CDHR3: variants seen among roughly 807,000 people sequenced by gnomAD.
CDHR3 encodes the protein cadherin-related family member 3.
In CDHR3, 79 loss-of-function variants were observed where a neutral mutation model predicts 86.6. The ratio of observed to expected loss-of-function variants is 0.91; its 90% CI spans 0.76 to 1.10. CDHR3 has a LOEUF of 1.10. Ranked by LOEUF, CDHR3 falls within the 50% of genes least tolerant of loss-of-function variation. The pLI is 0.00. For missense variants in CDHR3, 1,081 were observed against 1,077.6 expected (o/e 1.00, Z -0.04); for synonymous variants, 421 against 402.4 (o/e 1.05, Z -0.55).
At chr7:105,979,333 AG>A (rs2115665379) in intron 2 of CDHR3, among the ~76,000 whole-genome samples, 1 of 152,196 alleles carries the variant, frequency 6.6e-6, no homozygotes, top group East Asian at 1.9e-4. Context: ...CGTGGCTCCT[AG>A]GTTGCCTCTG....
intron 13 of CDHR3, 121 bp downstream of exon 13, chr7:106,020,665 AT>A (rs1836431886): frequency 8.8e-6 from 10 of 1,134,276 alleles, no homozygotes; most frequent in Admixed American, 2.6e-5. Flanking sequence ...GGAGGGCATT[AT>A]TTTTTTGAGA....
intron 1 of CDHR3, among the ~76,000 whole-genome samples, chr7:105,969,268 G>A (rs1827514392): frequency 2.7e-5 from 4 of 150,164 alleles, no homozygotes; most frequent in Non-Finnish European, 3.0e-5. Flanking sequence ...GCGAGGTGGC[G>A]GGCGCCTGTA....
chr7:105,983,174 A>T (rs1490235131), intron 3 of CDHR3, among the ~76,000 whole-genome samples: 1 of 152,140 alleles, frequency 6.6e-6, no homozygotes, highest in Non-Finnish European at 1.5e-5. Context: ...ATGGAAACGG[A>T]AGTTGCATGA....
At chr7:106,014,983 G>A in intron 9 of CDHR3, 128 bp from the exon 10 acceptor site, 4 of 652,444 alleles carry the variant, frequency 6.1e-6, no homozygotes, top group Non-Finnish European at 1.0e-5. Flanking sequence ...TAATTTTTAT[G>A]GGCAAAGTGT....
chr7:105,967,027 C>T (rs1483286359), intron 1 of CDHR3, among the ~76,000 whole-genome samples: 2 of 151,816 alleles, frequency 1.3e-5, no homozygotes, highest in South Asian at 2.1e-4. Context: ...CATATGTATA[C>T]ATGTGCCATG....
At chr7:106,014,574 T>A (rs1054518539) in intron 9 of CDHR3, among the ~76,000 whole-genome samples, 1 of 152,154 alleles carries the variant, frequency 6.6e-6, no homozygotes, top group African/African-American at 2.4e-5. Context: ...TGAGCTATGA[T>A]TACACCTGTG....
At chr7:105,970,565 C>G (rs1236603337) in intron 1 of CDHR3, among the ~76,000 whole-genome samples, 1 of 152,192 alleles carries the variant, frequency 6.6e-6, no homozygotes, top group African/African-American at 2.4e-5. Flanking sequence ...GCCTGGAAGA[C>G]CAGCCATGGA....
intron 4 of CDHR3, among the ~76,000 whole-genome samples, chr7:105,988,922 C>T (rs745897210): frequency 6.6e-5 from 10 of 152,170 alleles, no homozygotes; most frequent in African/African-American, 2.2e-4. Context: ...TTTCCATACT[C>T]GGTGTCCAAA....
intron 9 of CDHR3, 144 bp downstream of exon 9, chr7:106,013,175 TGTTCCC>T: frequency 1.5e-6 from 1 of 659,268 alleles, no homozygotes; most frequent in Non-Finnish European, 2.4e-6. Flanking sequence ...AGTGAGTCTG[TGTTCCC>T]CATTCGCTCT....
At chr7:106,024,170 C>T (rs576990525) in intron 14 of CDHR3, among the ~76,000 whole-genome samples, 14 of 152,178 alleles carry the variant, frequency 9.2e-5, no homozygotes, top group Admixed American at 9.2e-4. Flanking sequence ...TTTCAGTTCC[C>T]TAAAATTTCT....
Position 106,034,646 on chromosome 7 carries a change from T to C in CDHR3, c.*1949T>C, listed in dbSNP as rs560095746. 2.0e-5 allele frequency among the ~76,000 whole-genome samples: 3 copies of C among 152,360 alleles called. No homozygotes were observed. The highest frequency in any genetic ancestry group is 1.3e-4 in the Admixed American group (2 of 15,306). On this transcript the variant is annotated 3_prime_UTR_variant, in exon 19 of 19. Coordinates refer to ENST00000317716, the MANE Select transcript of CDHR3 (RefSeq NM_152750.5). ...AGGTTAAAGTGAGTGAAGTGGCTGA[T>C]TGCCCATTTAAGGCATTGCAAATCT...
rs1838231269 is a variant in CDHR3, at chr7:106,030,914, C to T, written c.2353+74C>T. On this transcript the variant is annotated intron_variant, in intron 18 of 18. Transcript: ENST00000317716. The surrounding 1 kb of genome is among the most constrained non-coding windows in gnomAD (Gnocchi z 4.8). ...TGGTAGAAGCATGGAGGATCTTATC[C>T]AATTTCCTGCTTTTAGCTCATTTTG... 7.2e-7 allele frequency: 1 copy of T among 1,394,742 alleles called. No homozygotes were observed. Among genetic ancestry groups the T allele is most frequent in the Admixed American group, 1.9e-5 (1 of 51,528 alleles). 86.4% of individuals were successfully genotyped at this position (1,394,742 alleles called of 1,614,324 possible). A position where few individuals can be genotyped will look rare whatever the true frequency, so the allele number is the denominator to read the frequency against.
intron 5 of CDHR3, among the ~76,000 whole-genome samples, chr7:105,996,023 C>A (rs1228654704): frequency 6.6e-6 from 1 of 152,120 alleles, no homozygotes; most frequent in African/African-American, 2.4e-5. Context: ...CCTGGTGGGA[C>A]AATGGTGGTG....
intron 12 of CDHR3, 84 bp downstream of exon 12, chr7:106,018,156 CAATGAGG>C: frequency 9.2e-7 from 1 of 1,090,068 alleles, no homozygotes; most frequent in Non-Finnish European, 1.3e-6. Flanking sequence ...GTGGATGTGG[CAATGAGG>C]AAACTTCCCA....
chr7:105,994,644 A>T, intron 4 of CDHR3, 107 bp from the exon 5 acceptor site: 1 of 786,438 alleles, frequency 1.3e-6, no homozygotes, highest in South Asian at 1.5e-5. Flanking sequence ...ATGCATCGAG[A>T]ACGTTCCATG....
chr7:106,007,924 A>C (rs547305132), intron 8 of CDHR3, among the ~76,000 whole-genome samples: 1 of 152,216 alleles, frequency 6.6e-6, no homozygotes, highest in Non-Finnish European at 1.5e-5. Context: ...CAACAGAAAG[A>C]GGTTTAATGG....
intron 13 of CDHR3, among the ~76,000 whole-genome samples, chr7:106,021,775 A>C (rs1836611829): frequency 6.6e-6 from 1 of 152,246 alleles, no homozygotes; most frequent in South Asian, 2.1e-4. Context: ...GCCTATGGCT[A>C]GGGATGTGAC....
chr7:105,989,220 C>CA (rs1554516517), intron 4 of CDHR3, among the ~76,000 whole-genome samples: 156 of 143,916 alleles, frequency 1.1e-3, no homozygotes, highest in East Asian at 4.6e-3. Context: ...GTACCCACCC[C>CA]CCCACCTCTT....
intron 17 of CDHR3, among the ~76,000 whole-genome samples, chr7:106,029,548 G>GTT: frequency 6.8e-6 from 1 of 147,176 alleles, no homozygotes; most frequent in East Asian, 2.0e-4. Flanking sequence ...CTCCACCTCT[G>GTT]TCTCTCTCTC....
Sources: gnomAD v4.1 joint callset for allele counts (sites outside exome capture counted in the v4.1 genomes callset) on GRCh38, gnomAD v4.1.1 for gene constraint, Gnocchi (gnomAD v3.1) non-coding constraint, MANE v1.5 for transcripts, NCBI Gene and HGNC (gene_info 2026-07-23, HGNC 2026-07-21) for gene names.